Variants in NDST4 observed in about 807,000 individuals in gnomAD.
NDST4 encodes N-deacetylase and N-sulfotransferase 4.
In NDST4, 63 loss-of-function variants were observed where a neutral mutation model predicts 100.8. That is an observed-to-expected ratio of 0.62 (90% confidence interval 0.51 to 0.77). The LOEUF (loss-of-function observed/expected upper bound fraction) is 0.77. Among genes scored for constraint, NDST4 ranks in the 30% least tolerant of loss-of-function variants. NDST4 has a pLI of 0.00. For synonymous variants in NDST4, 377 were observed against 361.8 expected, an observed-to-expected ratio of 1.04 and a Z score of -0.48; for missense variants, 943 against 1,018.4, an observed-to-expected ratio of 0.93 and a Z score of 1.01.
chr4:114,898,489 G>T (rs1452137209), intron 6 of NDST4, among the ~76,000 whole-genome samples: 2 of 152,052 alleles, frequency 1.3e-5, no homozygotes, highest in Admixed American at 6.6e-5. Context: ...GGTAGTGTCC[G>T]TGCTTCAACT....
intron 7 of NDST4, among the ~76,000 whole-genome samples, chr4:114,856,585 CAG>C (rs1723798495): frequency 6.6e-6 from 1 of 152,048 alleles, no homozygotes; most frequent in Non-Finnish European, 1.5e-5. Flanking sequence ...TATTCTATGA[CAG>C]AATATAATTT....
At chr4:115,032,085 A>T (rs1728128855) in intron 2 of NDST4, among the ~76,000 whole-genome samples, 1 of 152,100 alleles carries the variant, frequency 6.6e-6, no homozygotes, top group African/African-American at 2.4e-5. Context: ...CTTCTCTGGA[A>T]ACTTTAAAAT....
At chr4:114,877,023 A>G (rs1553950641) in intron 6 of NDST4, among the ~76,000 whole-genome samples, 1 of 152,014 alleles carries the variant, frequency 6.6e-6, no homozygotes, top group Non-Finnish European at 1.5e-5. Flanking sequence ...TGCACGCTTA[A>G]TGATTTGTTA....
chr4:114,899,735 A>C (rs1388721990), intron 6 of NDST4, among the ~76,000 whole-genome samples: 1 of 152,142 alleles, frequency 6.6e-6, no homozygotes, highest in Non-Finnish European at 1.5e-5. Context: ...TTAATTTCCT[A>C]ATATTTTGCT....
intron 10 of NDST4, among the ~76,000 whole-genome samples, chr4:114,840,440 T>A (rs1723401857): frequency 6.6e-6 from 1 of 152,054 alleles, no homozygotes. Flanking sequence ...TGGGAGACAA[T>A]AGATTGGAAT....
intron 1 of NDST4, among the ~76,000 whole-genome samples, chr4:115,106,925 TAGG>T (rs1729844672): frequency 6.6e-6 from 1 of 151,840 alleles, no homozygotes; most frequent in African/African-American, 2.4e-5. Flanking sequence ...CAGGCTGAGG[TAGG>T]AGGATAGCTT....
At chr4:114,986,802 ATATATATATATAT>A (rs1560845305) in intron 2 of NDST4, among the ~76,000 whole-genome samples, 15 of 25,720 alleles carry the variant, frequency 5.8e-4, no homozygotes, top group Non-Finnish European at 2.5e-3. Flanking sequence ...ACATATATAT[ATATATATATATAT>A]ATATATATAT....
At chr4:114,834,796 C>T (rs181976862) in intron 11 of NDST4, among the ~76,000 whole-genome samples, 5 of 152,032 alleles carry the variant, frequency 3.3e-5, no homozygotes, top group East Asian at 3.9e-4. Context: ...AACTTGTTAT[C>T]GGTCTATTCA....
intron 2 of NDST4, among the ~76,000 whole-genome samples, chr4:114,990,920 CT>C (rs1185473135): frequency 6.6e-6 from 1 of 152,030 alleles, no homozygotes; most frequent in African/African-American, 2.4e-5. Flanking sequence ...GCATTGTTAG[CT>C]GCTAATGAGA....
intron 1 of NDST4, among the ~76,000 whole-genome samples, chr4:115,106,375 G>T (rs1729833673): frequency 6.6e-6 from 1 of 151,980 alleles, no homozygotes; most frequent in Non-Finnish European, 1.5e-5. Flanking sequence ...TTTATAATTG[G>T]AGAAATTTTT....
chr4:115,001,881 A>T (rs746460830), intron 2 of NDST4, among the ~76,000 whole-genome samples: 8 of 152,292 alleles, frequency 5.3e-5, no homozygotes, highest in South Asian at 2.1e-4. Flanking sequence ...TCATGCCTAA[A>T]GGCAGCATGG....
intron 11 of NDST4, among the ~76,000 whole-genome samples, chr4:114,837,885 C>G (rs1408760427): frequency 6.6e-6 from 1 of 152,118 alleles, no homozygotes; most frequent in Non-Finnish European, 1.5e-5. Context: ...TCAGAGTGAA[C>G]AGACTACCTA....
chr4:114,895,735 A>G (rs1022855389), intron 6 of NDST4, among the ~76,000 whole-genome samples: 13 of 152,176 alleles, frequency 8.5e-5, no homozygotes, highest in African/African-American at 2.7e-4. Flanking sequence ...AAAATCCTCA[A>G]TAAAATACAG....
chr4:114,960,876 T>C (rs1726247645), intron 4 of NDST4, among the ~76,000 whole-genome samples: 1 of 152,142 alleles, frequency 6.6e-6, no homozygotes, highest in Non-Finnish European at 1.5e-5. Flanking sequence ...ATATATACTT[T>C]CTCTGCCTTC....
At position 115,032,587 on chromosome 4, in the gene NDST4, T is replaced by C. The variant is rs560176031; in HGVS notation, c.978+43472A>G. Among the ~76,000 whole-genome samples the C allele has an allele frequency of 2.0e-5, 3 of 152,082 alleles. No homozygotes were observed. The South Asian group carries it at 6.2e-4, about 31-fold the overall frequency. ...TCTTTGCACTGCCTGCCTCAAAAATTAGAGCTAAAATTGTATTAGATTATA... is the reference window on the plus strand; with the variant it reads ...TCTTTGCACTGCCTGCCTCAAAAATCAGAGCTAAAATTGTATTAGATTATA... On this transcript the variant is annotated intron_variant, in intron 2 of 13. Coordinates refer to ENST00000264363, the MANE Select transcript of NDST4 (RefSeq NM_022569.3).
chr4:114,895,296 AG>A (rs1724690689), intron 6 of NDST4, among the ~76,000 whole-genome samples: 1 of 152,188 alleles, frequency 6.6e-6, no homozygotes, highest in Non-Finnish European at 1.5e-5. Flanking sequence ...AAAATAATAA[AG>A]GGGATATCAC....
At chr4:114,930,754 A>G (rs949881774) in intron 6 of NDST4, among the ~76,000 whole-genome samples, 3 of 152,154 alleles carry the variant, frequency 2.0e-5, no homozygotes, top group African/African-American at 7.2e-5. Context: ...GACCTCAGAA[A>G]TGGAATCATT....
intron 6 of NDST4, among the ~76,000 whole-genome samples, chr4:114,933,432 C>CTTTT (rs367931653): frequency 0.02 from 1,808 of 88,950 alleles, 50 homozygotes; most frequent in African/African-American, 0.054. Context: ...TTTTCTTTTC[C>CTTTT]TTTTTTTTTT....
chr4:114,993,403 T>C lies in NDST4; in HGVS notation c.979-16129A>G, dbSNP rs1382288282. ...ACCTTGTAGCCTTAAAATTATTGTTTCTGTTTTAAGTAATACTAGTTATAG... is the reference window on the plus strand; with the variant it reads ...ACCTTGTAGCCTTAAAATTATTGTTCCTGTTTTAAGTAATACTAGTTATAG... On this transcript the variant is annotated intron_variant, in intron 2 of 13. Coordinates refer to ENST00000264363, the MANE Select transcript of NDST4 (RefSeq NM_022569.3). Among the ~76,000 whole-genome samples the C allele has an allele frequency of 2.6e-5, 4 of 152,046 alleles. No individual in the cohort carries two copies. In the East Asian group the frequency reaches 7.7e-4, roughly 29 times the overall value.
Sources: allele counts gnomAD v4.1 joint callset (sites outside exome capture counted in the v4.1 genomes callset), GRCh38; gene constraint gnomAD v4.1.1; transcripts MANE v1.5; gene names NCBI Gene and HGNC (gene_info 2026-07-23, HGNC 2026-07-21).